The following GTF2IRD1 variants were observed in gnomAD, a reference collection of about 807,000 sequenced individuals.
GTF2IRD1 encodes general transcription factor II-I repeat domain-containing protein 1.
Under a neutral mutation model 113.2 loss-of-function variants are expected in GTF2IRD1, and 26 were observed. The ratio of observed to expected loss-of-function variants is 0.23; its 90% CI spans 0.17 to 0.32. The LOEUF is 0.32. Among genes scored for constraint, GTF2IRD1 ranks in the 10% least tolerant of loss-of-function variants. The pLI, the probability that GTF2IRD1 is intolerant of heterozygous loss-of-function variation, is 1.00. For missense variants in GTF2IRD1, 864 were observed against 1,280.8 expected (o/e 0.67, Z 4.97); for synonymous variants, 484 against 529.1 (o/e 0.91, Z 1.17).
chr7:74,505,446 C>T (rs892297186), intron 1 of GTF2IRD1, among the ~76,000 whole-genome samples: 2 of 152,304 alleles, frequency 1.3e-5, no homozygotes, highest in African/African-American at 2.4e-5. Flanking sequence ...CCTACAAGCC[C>T]GGATGACCGA....
At chr7:74,530,052 A>G (rs1797867503) in intron 9 of GTF2IRD1, 135 bp downstream of exon 9, 1 of 594,396 alleles carries the variant, frequency 1.7e-6, no homozygotes, top group East Asian at 3.1e-5. Flanking sequence ...TCTATTAACA[A>G]TACAAAAATT....
intron 22 of GTF2IRD1, among the ~76,000 whole-genome samples, chr7:74,583,265 T>G (rs1268084836): frequency 2.6e-5 from 4 of 151,890 alleles, no homozygotes; most frequent in Non-Finnish European, 5.9e-5. Context: ...CATGGCTTAC[T>G]GCAACATTGA....
rs587654568 is a variant in GTF2IRD1 at position 74,576,814 on chromosome 7, T to C, written c.2321-13037T>C. On this transcript the variant is annotated intron_variant, in intron 22 of 26. Transcript: ENST00000424337. ...TTTTGTATTTGTAGTAGAGACAGGGTTTCACCATGTTGCCCAGGCTGGTCT... is the reference window on the plus strand; with the variant it reads ...TTTTGTATTTGTAGTAGAGACAGGGCTTCACCATGTTGCCCAGGCTGGTCT... Among the ~76,000 whole-genome samples, 24 of 150,910 alleles carry C rather than the reference T, an allele frequency of 1.6e-4. No individual in the cohort carries two copies. The East Asian group carries it at 3.8e-3, about 24-fold the overall frequency.
rs781799421 is a variant in GTF2IRD1 at position 74,529,941 on chromosome 7, G to A, written c.1274+24G>A. The A allele has an allele frequency of 3.2e-6, 5 of 1,579,608 alleles. No individual in the cohort carries two copies. In the African/African-American group the frequency reaches 5.4e-5, roughly 17 times the overall value. ...AGGTGCGGGTGGGGCTGGGCGCAGT[G>A]GCTCATGCCTGTAATCCCAGCACTT... On this transcript the variant is annotated intron_variant, in intron 9 of 26. Transcript: ENST00000424337.
chr7:74,469,738 C>G (rs1364099767), intron 1 of GTF2IRD1, among the ~76,000 whole-genome samples: 1 of 152,066 alleles, frequency 6.6e-6, no homozygotes, highest in African/African-American at 2.4e-5. Context: ...GGGTCTTGCT[C>G]TGTCACCCAG....
intron 1 of GTF2IRD1, among the ~76,000 whole-genome samples, chr7:74,476,663 A>C (rs1554333604): frequency 6.6e-6 from 1 of 151,936 alleles, no homozygotes; most frequent in East Asian, 1.9e-4. Context: ...TCCTGCCTCT[A>C]GCCTTTGCCC....
At position 74,508,246 on chromosome 7, in the gene GTF2IRD1, G is replaced by A. The variant is rs115454323; in HGVS notation, c.123+43G>A. ...CCCAAGAGGAGGGGACAGGGTGAGC[G>A]TCCCCACCTGCCTTGTAGCTCAAGT... On this transcript the variant is annotated intron_variant, in intron 2 of 26. Coordinates refer to ENST00000424337, the MANE Select transcript of GTF2IRD1 (RefSeq NM_005685.4). 3,060 of 1,586,688 alleles carry A rather than the reference G, an allele frequency of 1.9e-3. 45 individuals are homozygous for A. The African/African-American group carries it at 0.037, about 19-fold the overall frequency.
At chr7:74,549,519 G>A (rs1261629392) in intron 17 of GTF2IRD1, among the ~76,000 whole-genome samples, 1 of 152,180 alleles carries the variant, frequency 6.6e-6, no homozygotes, top group Non-Finnish European at 1.5e-5. Context: ...GACACACAAA[G>A]AGCAGATAGC....
At chr7:74,467,693 T>TTTTTTA (rs1359264279) in intron 1 of GTF2IRD1, among the ~76,000 whole-genome samples, 7 of 151,764 alleles carry the variant, frequency 4.6e-5, no homozygotes, top group African/African-American at 1.7e-4. Context: ...TTGTATTTAA[T>TTTTTTA]TTTTTATTTT....
At chr7:74,592,643 T>C (rs1802133105) in intron 24 of GTF2IRD1, among the ~76,000 whole-genome samples, 1 of 151,672 alleles carries the variant, frequency 6.6e-6, no homozygotes, top group African/African-American at 2.4e-5. Flanking sequence ...CAAGCAATTC[T>C]CCTGCCTCAC....
At position 74,504,710 on chromosome 7, in the gene GTF2IRD1, T is replaced by C. The variant is rs1307747879; in HGVS notation, c.-6-3365T>C. ...TGCTGCCATCAGAATTTTTACTTTTTTTTTTTTTTTTTTTTTTAATGGAGT... is the reference window on the plus strand; with the variant it reads ...TGCTGCCATCAGAATTTTTACTTTTCTTTTTTTTTTTTTTTTTAATGGAGT... On this transcript the variant is annotated intron_variant, in intron 1 of 26. Coordinates refer to ENST00000424337, the MANE Select transcript of GTF2IRD1 (RefSeq NM_005685.4). Among the ~76,000 whole-genome samples the C allele has an allele frequency of 2.0e-5, 3 of 149,042 alleles. No homozygotes were observed. The East Asian group carries it at 5.9e-4, about 29-fold the overall frequency.
At chr7:74,568,820 G>T (rs1179066530) in intron 22 of GTF2IRD1, among the ~76,000 whole-genome samples, 1 of 146,354 alleles carries the variant, frequency 6.8e-6, no homozygotes, top group African/African-American at 2.5e-5. Flanking sequence ...TTGGGGTCAG[G>T]TTTCTAGAGG....
At chr7:74,522,609 C>G (rs1263579731) in intron 7 of GTF2IRD1, among the ~76,000 whole-genome samples, 1 of 152,178 alleles carries the variant, frequency 6.6e-6, no homozygotes, top group Non-Finnish European at 1.5e-5. Flanking sequence ...AACAACAACC[C>G]AACCTGTCAC....
Position 74,524,105 on chromosome 7 carries a change from C to T in GTF2IRD1, c.1041C>T (p.Asp347=), listed in dbSNP as rs782165650. The part of the protein sequence containing the change: ...KWDAFIKETE[D]INTLRECVQI... ...ACGCCTTCATAAAGGAAACCGAGGA[C>T]ATCAACACGCTCCGGGAGTGTGTGC... The change falls in exon 8 of 27, where the codon GAC becomes GAT. Residue 347 remains aspartate (D), a synonymous_variant. Coordinates refer to ENST00000424337, the MANE Select transcript of GTF2IRD1 (RefSeq NM_005685.4). 76 of 1,613,058 alleles carry T rather than the reference C, an allele frequency of 4.7e-5. No homozygotes were observed. Among genetic ancestry groups the T allele is most frequent in the Non-Finnish European group, 6.2e-5 (73 of 1,179,504 alleles).
At chr7:74,525,541 C>T (rs1412861178) in intron 8 of GTF2IRD1, among the ~76,000 whole-genome samples, 2 of 152,066 alleles carry the variant, frequency 1.3e-5, no homozygotes, top group African/African-American at 2.4e-5. Context: ...CACTTGAGCT[C>T]GAGAGTTCGA....
In GTF2IRD1 at chr7:74,515,376, C is replaced by T. The variant is rs1796869301; in HGVS notation, c.266-65C>T. 4 of 1,545,360 alleles carry T rather than the reference C, an allele frequency of 2.6e-6. No homozygotes were observed. The South Asian group carries it at 4.7e-5, about 18-fold the overall frequency. ...CAGCTCAGCACAGGGCAGCGACATC[C>T]CAGCTCGAAGGCCGGGTGGTGAGAC... On this transcript the variant is annotated intron_variant, in intron 3 of 26. Transcript: ENST00000424337.
At position 74,518,152 on chromosome 7, in the gene GTF2IRD1, A is replaced by G; in HGVS notation, c.435A>G (p.Gly145=). ...VFDVLYSEAL[G]RASVVPLPYE... ...TCTCCCCTACAGGCGAGGCCCTGGGAAGGGCCAGTGTGGTGCCACTGCCCT... is the reference window on the plus strand; with the variant it reads ...TCTCCCCTACAGGCGAGGCCCTGGGGAGGGCCAGTGTGGTGCCACTGCCCT... The change falls in exon 5 of 27, where the codon GGA becomes GGG. Residue 145 remains glycine (G), a synonymous_variant. Coordinates refer to ENST00000424337, the MANE Select transcript of GTF2IRD1 (RefSeq NM_005685.4). 6.3e-7 allele frequency: 1 copy of G among 1,585,454 alleles called. No homozygotes were observed. Among genetic ancestry groups the G allele is most frequent in the Non-Finnish European group, 8.6e-7 (1 of 1,162,374 alleles).
At chr7:74,539,818 G>A in intron 13 of GTF2IRD1, 61 bp from the exon 14 acceptor site, 3 of 1,173,440 alleles carry the variant, frequency 2.6e-6, no homozygotes, top group East Asian at 2.3e-5. Context: ...GGGCCCTGAG[G>A]GACTGTGACA....
intron 9 of GTF2IRD1, among the ~76,000 whole-genome samples, chr7:74,534,265 C>T (rs1439008102): frequency 6.6e-6 from 1 of 152,184 alleles, no homozygotes; most frequent in Non-Finnish European, 1.5e-5. Context: ...CCCTCCAAGA[C>T]CGCCCCAGGG....
Sources: allele counts gnomAD v4.1 joint callset (sites outside exome capture counted in the v4.1 genomes callset), GRCh38; gene constraint gnomAD v4.1.1; transcripts MANE v1.5; gene names NCBI Gene and HGNC (gene_info 2026-07-23, HGNC 2026-07-21).